RBM25: variants seen among roughly 807,000 people sequenced by gnomAD.
The protein encoded by RBM25 is RNA binding motif protein 25.
RBM25 carries 19 observed loss-of-function variants against 120.7 expected under a neutral mutation model. The observed-to-expected ratio is 0.16, with a 90% CI of 0.11 to 0.23. The LOEUF (loss-of-function observed/expected upper bound fraction) is 0.23, where lower values mean the gene tolerates loss of function less well. Among genes scored for constraint, RBM25 ranks in the 10% least tolerant of loss-of-function variants. The pLI, the probability that RBM25 is intolerant of heterozygous loss-of-function variation, is 1.00. For synonymous variants in RBM25, 390 were observed against 326.7 expected (o/e 1.19, Z -2.09); for missense variants, 605 against 1,041.5 (o/e 0.58, Z 5.77).
intron 5 of RBM25, among the ~76,000 whole-genome samples, chr14:73,083,979 C>A (rs1433485329): frequency 6.6e-6 from 1 of 151,356 alleles, no homozygotes; most frequent in Non-Finnish European, 1.5e-5. Flanking sequence ...CTCACTGCAA[C>A]CTCTGCCTCC....
intron 18 of RBM25, among the ~76,000 whole-genome samples, chr14:73,114,677 C>T (rs1050104303): frequency 9.9e-5 from 15 of 152,108 alleles, no homozygotes; most frequent in Non-Finnish European, 1.8e-4. Context: ...GGGTGGATCA[C>T]AAGGTCAAGA....
At chr14:73,089,416 G>A (rs191474259) in intron 6 of RBM25, among the ~76,000 whole-genome samples, 188 of 152,212 alleles carry the variant, frequency 1.2e-3, no homozygotes, top group Non-Finnish European at 2.1e-3. Context: ...GTGCAGTGGT[G>A]CGATCTTGGC....
intron 7 of RBM25, among the ~76,000 whole-genome samples, chr14:73,097,435 G>A (rs1434243646): frequency 6.6e-6 from 1 of 151,936 alleles, no homozygotes; most frequent in Non-Finnish European, 1.5e-5. Flanking sequence ...TCGTGACCTC[G>A]TGGTCGACCC....
intron 4 of RBM25, among the ~76,000 whole-genome samples, chr14:73,078,466 G>T (rs1485675562): frequency 6.6e-6 from 1 of 152,062 alleles, no homozygotes. Context: ...ACTCCAGCCC[G>T]AGCAAGAGAG....
chr14:73,062,972 T>C (rs1422435094), intron 1 of RBM25, among the ~76,000 whole-genome samples: 2 of 149,964 alleles, frequency 1.3e-5, no homozygotes, highest in South Asian at 2.1e-4. Context: ...AGGTGCATGC[T>C]ACCACACCTG....
chr14:73,112,960 C>T (rs1359124336), intron 17 of RBM25, among the ~76,000 whole-genome samples: 1 of 152,058 alleles, frequency 6.6e-6, no homozygotes, highest in African/African-American at 2.4e-5. Flanking sequence ...TATGCCACCA[C>T]ACCCTGCTAA....
At chr14:73,100,349 A>T in intron 9 of RBM25, 1 of 684,272 alleles carries the variant, frequency 1.5e-6, no homozygotes, top group South Asian at 1.5e-5. Flanking sequence ...TTGGAAAGTA[A>T]CAAGGAATAG....
chr14:73,096,463 T>A lies in RBM25; in HGVS notation c.544-452T>A, dbSNP rs1895943917. On this transcript the variant is annotated intron_variant, in intron 6 of 18. Coordinates refer to ENST00000261973, the MANE Select transcript of RBM25 (RefSeq NM_021239.3). The stretch of plus-strand genomic sequence containing the variant: ...CAGTTTGGTATATTTAGCAATCTGA[T>A]GTTTTTGTTTGTTTGTTTAATCTAC... 2.0e-5 allele frequency among the ~76,000 whole-genome samples: 3 copies of A among 151,750 alleles called. No individual in the cohort carries two copies. The South Asian group carries it at 6.2e-4, about 31-fold the overall frequency.
chr14:73,115,296 G>A (rs1361553685), intron 18 of RBM25, among the ~76,000 whole-genome samples: 1 of 152,070 alleles, frequency 6.6e-6, no homozygotes, highest in East Asian at 1.9e-4. Flanking sequence ...GTACTCATTA[G>A]TTATTTTTCC....
chr14:73,119,239 A>T (rs961017290), intron 18 of RBM25, among the ~76,000 whole-genome samples: 2 of 152,194 alleles, frequency 1.3e-5, no homozygotes, highest in Admixed American at 6.5e-5. Context: ...AATCTCATGT[A>T]TCCCCTCAAA....
At chr14:73,104,288 A>G (rs1214978373) in intron 10 of RBM25, among the ~76,000 whole-genome samples, 2 of 151,738 alleles carry the variant, frequency 1.3e-5, no homozygotes, top group Non-Finnish European at 2.9e-5. Flanking sequence ...CTATAAATTT[A>G]CTATCTACCT....
chr14:73,091,991 G>C (rs1434805495), intron 6 of RBM25, among the ~76,000 whole-genome samples: 1 of 152,088 alleles, frequency 6.6e-6, no homozygotes, highest in Non-Finnish European at 1.5e-5. Context: ...ACTGTTATAT[G>C]TGTATTTCTG....
chr14:73,066,646 CAA>C (rs139152316), intron 1 of RBM25, among the ~76,000 whole-genome samples: 41,775 of 121,872 alleles, frequency 0.34, 6,893 homozygotes, highest in South Asian at 0.46. Flanking sequence ...GACTCCATCT[CAA>C]AAAAAAAAAA....
intron 9 of RBM25, chr14:73,100,075 A>C (rs968664410): frequency 2.1e-6 from 1 of 472,474 alleles, no homozygotes; most frequent in Non-Finnish European, 3.7e-6. Flanking sequence ...GATAACATAC[A>C]CTGTAGTGTA....
intron 2 of RBM25, among the ~76,000 whole-genome samples, chr14:73,075,672 A>G (rs1388381487): frequency 2.0e-5 from 3 of 152,208 alleles, no homozygotes; most frequent in Non-Finnish European, 4.4e-5. Context: ...GTATTACTTT[A>G]CATACTTATT....
intron 6 of RBM25, chr14:73,088,519 C>CGGCGA: frequency 5.0e-6 from 2 of 401,478 alleles, no homozygotes; most frequent in South Asian, 1.9e-5. Flanking sequence ...TTATTAGTTT[C>CGGCGA]CCTCTCTTTT....
At chr14:73,114,668 G>A (rs1896385201) in intron 18 of RBM25, among the ~76,000 whole-genome samples, 5 of 152,264 alleles carry the variant, frequency 3.3e-5, no homozygotes, top group Non-Finnish European at 2.9e-5. Flanking sequence ...GGCTGAGGCG[G>A]GTGGATCACA....
intron 16 of RBM25, 22 bp downstream of exon 16, chr14:73,111,824 A>G: frequency 2.6e-6 from 4 of 1,556,456 alleles, no homozygotes; most frequent in Non-Finnish European, 3.5e-6. Context: ...ATTATATTTC[A>G]TCATATTATT....
At chr14:73,088,280 C>T (rs768208216) in intron 6 of RBM25, 119 bp downstream of exon 6, 215 of 1,278,114 alleles carry the variant, frequency 1.7e-4, no homozygotes, top group Non-Finnish European at 2.2e-4. Flanking sequence ...GTGCTTGTGG[C>T]TTAATGTAGG....
Sources: allele counts gnomAD v4.1 joint callset (sites outside exome capture counted in the v4.1 genomes callset), GRCh38; gene constraint gnomAD v4.1.1; transcripts MANE v1.5; gene names NCBI Gene and HGNC (gene_info 2026-07-23, HGNC 2026-07-21).